Variants in TMEM165 observed in about 807,000 individuals in gnomAD.
The protein encoded by TMEM165 is putative divalent cation/proton antiporter TMEM165.
A neutral mutation model predicts 30.0 loss-of-function variants in TMEM165; 19 were observed. The ratio of observed to expected loss-of-function variants is 0.63; its 90% confidence interval spans 0.44 to 0.93. The LOEUF (loss-of-function observed/expected upper bound fraction) is 0.93. Among genes scored for constraint, TMEM165 ranks in the 40% least tolerant of loss-of-function variants. The probability of loss-of-function intolerance (pLI) is 0.00; values close to 1 mark genes in which losing one functional copy is unlikely to be tolerated. For missense variants in TMEM165, 340 were observed against 417.0 expected, an observed-to-expected ratio of 0.82 and a Z score of 1.61; for synonymous variants, 168 against 162.9, an observed-to-expected ratio of 1.03 and a Z score of -0.24.
chr4:55,424,294 ATTTG>A (rs1176533373), intron 4 of TMEM165: 12 of 486,810 alleles, frequency 2.5e-5, no homozygotes, highest in East Asian at 3.6e-5. Flanking sequence ...TTTCATCAGG[ATTTG>A]TTTGACTTTA....
downstream of TMEM165, chr4:55,429,190 A>AGTTT (rs948539644): frequency 6.6e-6 from 1 of 152,162 alleles, no homozygotes; most frequent in Non-Finnish European, 1.5e-5. Context: ...GCGATGTCAC[A>AGTTT]GTTTGTTTCC....
At chr4:55,424,816 C>T (rs1722125552) in intron 5 of TMEM165, 173 bp downstream of exon 5, 4 of 567,364 alleles carry the variant, frequency 7.1e-6, no homozygotes, top group Admixed American at 3.4e-5. Flanking sequence ...CTTTTTTCAC[C>T]TGTGTAGAAG....
chr4:55,436,398 C>T (rs1265880719), intron 3 of TMEM165, among the ~76,000 whole-genome samples: 3 of 152,144 alleles, frequency 2.0e-5, no homozygotes, highest in South Asian at 2.1e-4. Flanking sequence ...ATAGATGAGC[C>T]TCTGTTCCTT....
At position 55,400,256 on chromosome 4, in the gene TMEM165, T is replaced by TTAATATA. The variant is rs1313708636; in HGVS notation, c.207+3875_207+3881dup. 1.5e-3 allele frequency among the ~76,000 whole-genome samples: 80 copies of TTAATATA among 52,420 alleles called. 1 individual carries two copies. Among genetic ancestry groups the TTAATATA allele is most frequent in the Middle Eastern group, 0.011 (1 of 90 alleles). 34.4% of individuals were successfully genotyped at this position (52,420 alleles called of 152,430 possible). A position where few individuals can be genotyped will look rare whatever the true frequency, so the allele number is the denominator to read the frequency against. On this transcript the variant is annotated intron_variant, in intron 1 of 5. Coordinates refer to ENST00000381334, the MANE Select transcript of TMEM165 (RefSeq NM_018475.5). ...TTAATGTAATTAATATTATATTATA[T>TTAATATA]TAATATATAATATATAATATAATAT...
At chr4:55,401,839 G>A (rs921017166) in intron 1 of TMEM165, among the ~76,000 whole-genome samples, 2 of 150,050 alleles carry the variant, frequency 1.3e-5, no homozygotes, top group African/African-American at 5.1e-5. Flanking sequence ...AATGAAGGCC[G>A]GGCGCAGTGG....
At chr4:55,416,505 A>AT (rs1316656665) in intron 2 of TMEM165, among the ~76,000 whole-genome samples, 1 of 152,082 alleles carries the variant, frequency 6.6e-6, no homozygotes, top group Non-Finnish European at 1.5e-5. Context: ...TTGTAACATT[A>AT]TTTTAATATA....
downstream of TMEM165, chr4:55,428,588 G>C (rs1722331449): frequency 6.6e-6 from 1 of 152,000 alleles, no homozygotes; most frequent in Non-Finnish European, 1.5e-5. Flanking sequence ...AGATCAATTA[G>C]CCGTTTTTAG....
At chr4:55,432,888 G>C (rs959179655) in intron 3 of TMEM165, 3 of 152,586 alleles carry the variant, frequency 2.0e-5, no homozygotes, top group African/African-American at 7.2e-5. Flanking sequence ...GAAGGGGCTG[G>C]AGTAGGACAA....
At chr4:55,442,028 T>C (rs998261429) in intron 3 of TMEM165, among the ~76,000 whole-genome samples, 1 of 152,168 alleles carries the variant, frequency 6.6e-6, no homozygotes, top group Non-Finnish European at 1.5e-5. Flanking sequence ...TAAATGACTA[T>C]TTGAGATAAT....
intron 3 of TMEM165, chr4:55,442,235 A>T (rs1723428368): frequency 1.7e-6 from 1 of 577,690 alleles, no homozygotes. Context: ...CAAGAAAAAA[A>T]ATTTGTTGTT....
rs548185647 is a variant in TMEM165, at chr4:55,443,479, A to AG, written c.409-8760_409-8759insG. Among the ~76,000 whole-genome samples, 10 of 151,966 alleles carry AG rather than the reference A, an allele frequency of 6.6e-5. No individual in the cohort carries two copies. In the South Asian group the frequency reaches 1.9e-3, roughly 28 times the overall value. ...AACAGGAGCAAAACTCCGTCTCAAA[A>AG]AAAAAAAAAGAAAAAAAAAAGCTGA... On this transcript the variant is annotated intron_variant, in intron 3 of 3. Transcript: ENST00000608091.
At chr4:55,427,410 T>C (rs2109573392), downstream of TMEM165, among the ~76,000 whole-genome samples, 1 of 151,314 alleles carries the variant, frequency 6.6e-6, no homozygotes, top group East Asian at 2.0e-4. Context: ...TGGCGCAATC[T>C]CGGCTCACTG....
chr4:55,403,654 A>G (rs1222214180), intron 1 of TMEM165, among the ~76,000 whole-genome samples: 1 of 152,156 alleles, frequency 6.6e-6, no homozygotes, highest in Non-Finnish European at 1.5e-5. Flanking sequence ...ATACTGAAAT[A>G]GTGGTATTTG....
At chr4:55,422,197 G>T (rs1218364455) in intron 4 of TMEM165, among the ~76,000 whole-genome samples, 3 of 152,168 alleles carry the variant, frequency 2.0e-5, no homozygotes, top group African/African-American at 7.2e-5. Context: ...TTCCTTGAAT[G>T]CTGCCTTTGT....
intron 4 of TMEM165, chr4:55,423,080 C>T (rs1000765060): frequency 3.3e-5 from 5 of 152,284 alleles, no homozygotes; most frequent in African/African-American, 1.2e-4. Context: ...ATAGCTGGAA[C>T]TACATGCATG....
intron 3 of TMEM165, among the ~76,000 whole-genome samples, chr4:55,446,146 T>G (rs1270846481): frequency 6.9e-6 from 1 of 145,432 alleles, no homozygotes; most frequent in African/African-American, 2.6e-5. Flanking sequence ...CAAGCTGGAA[T>G]GCAGTGGTGT....
chr4:55,433,748 G>A (rs1175263128), intron 3 of TMEM165: 1 of 151,966 alleles, frequency 6.6e-6, no homozygotes, highest in Non-Finnish European at 1.5e-5. Context: ...TTTTTTAAAT[G>A]TATGTAACTT....
rs79012953 is a variant in TMEM165 at position 55,438,697 on chromosome 4, C to T, written c.409-13542C>T. ...TACTTTGTTTCATTTTAAAAGATTC[C>T]CTTTGGTGTAACAGTAAAACAAAAA... is the stretch of plus-strand genomic sequence containing the variant. On this transcript the variant is annotated intron_variant, in intron 3 of 3. Transcript: ENST00000608091. Among the ~76,000 whole-genome samples the T allele has an allele frequency of 3.8e-3, 573 of 152,246 alleles. 1 individual carries two copies. Among genetic ancestry groups the T allele is most frequent in the Non-Finnish European group, 6.5e-3 (439 of 68,040 alleles).
At position 55,426,010 on chromosome 4, in the gene TMEM165, CTTTT is replaced by C. The variant is rs886059490; in HGVS notation, c.*565_*568del. 2 of 147,884 alleles carry C rather than the reference CTTTT, an allele frequency of 1.4e-5. No homozygotes were observed. Among genetic ancestry groups the C allele is most frequent in the South Asian group, 2.1e-4 (1 of 4,678 alleles). 9.2% of individuals were successfully genotyped at this position (147,884 alleles called of 1,614,324 possible). ...AACTGTCTGCCAGGTCATTCTTCCT[CTTTT>C]TTTTTTAATTGGGTAGGACACCCAA... On this transcript the variant is annotated 3_prime_UTR_variant, in exon 6 of 6. Coordinates refer to ENST00000381334, the MANE Select transcript of TMEM165 (RefSeq NM_018475.5).
Sources: gnomAD v4.1 joint callset for allele counts (sites outside exome capture counted in the v4.1 genomes callset) on GRCh38, gnomAD v4.1.1 for gene constraint, MANE v1.5 for transcripts, NCBI Gene and HGNC (gene_info 2026-07-23, HGNC 2026-07-21) for gene names.